The following NKAIN1 variants were observed in gnomAD, a reference collection of about 807,000 sequenced individuals.
The protein encoded by NKAIN1 is sodium/potassium-transporting ATPase subunit beta-1-interacting protein 1.
Under a neutral mutation model 31.6 loss-of-function variants are expected in NKAIN1, and 13 were observed. That is an observed-to-expected ratio of 0.41 (90% CI 0.27 to 0.65). The LOEUF (loss-of-function observed/expected upper bound fraction) is 0.65. NKAIN1 is among the 30% of genes least tolerant of loss of function. The pLI, the probability that NKAIN1 is intolerant of heterozygous loss-of-function variation, is 0.30. For missense variants in NKAIN1, 193 were observed against 262.2 expected (o/e 0.74, Z 1.82); for synonymous variants, 104 against 109.0 (o/e 0.95, Z 0.28).
chr1:31,220,003 A>ATTTTTTTT, intron 1 of NKAIN1, among the ~76,000 whole-genome samples: 1 of 127,784 alleles, frequency 7.8e-6, no homozygotes. Context: ...GAACACTCAG[A>ATTTTTTTT]TTTTTTTTTT....
At chr1:31,197,717 T>C (rs1466715604) in intron 1 of NKAIN1, among the ~76,000 whole-genome samples, 2 of 151,326 alleles carry the variant, frequency 1.3e-5, no homozygotes, top group Non-Finnish European at 2.9e-5. Flanking sequence ...CAGCTAATTT[T>C]TATATTTTTA....
At chr1:31,232,463 A>AGAGAGAGAGAGAGG (rs1645661432) in intron 1 of NKAIN1, among the ~76,000 whole-genome samples, 1 of 125,980 alleles carries the variant, frequency 7.9e-6, no homozygotes, top group Admixed American at 8.1e-5. Context: ...AGAGAGAGAG[A>AGAGAGAGAGAGAGG]GAGAGAGAGT....
intron 6 of NKAIN1, 59 bp downstream of exon 6, chr1:31,181,796 ATCCCC>A: frequency 6.4e-7 from 1 of 1,563,216 alleles, no homozygotes; most frequent in Admixed American, 1.9e-5. Context: ...CCACTCCTCC[ATCCCC>A]TCCTTTTCGC....
intron 1 of NKAIN1, among the ~76,000 whole-genome samples, chr1:31,188,905 C>G (rs745937310): frequency 1.3e-5 from 2 of 151,694 alleles, no homozygotes; most frequent in East Asian, 3.9e-4. Flanking sequence ...CCCAGCTATT[C>G]GGGAGGCTTA....
At position 31,214,023 on chromosome 1, in the gene NKAIN1, T is replaced by A. The variant is rs1471380746; in HGVS notation, c.54+25471A>T. Among the ~76,000 whole-genome samples, 4 of 143,018 alleles carry A rather than the reference T, an allele frequency of 2.8e-5. No homozygotes were observed. The South Asian group carries it at 6.7e-4, about 24-fold the overall frequency. The allele number at this position is 143,018 out of a possible 152,430, so 93.8% of individuals were successfully genotyped here. ...AAAGAATAAAATAAAAATTAATTAA[T>A]TAATTAATTAATTAATTAAACAAAA... is the stretch of plus-strand genomic sequence containing the variant. On this transcript the variant is annotated intron_variant, in intron 1 of 6. Transcript: ENST00000373736.
At chr1:31,200,938 A>T (rs1645375472) in intron 1 of NKAIN1, among the ~76,000 whole-genome samples, 1 of 151,230 alleles carries the variant, frequency 6.6e-6, no homozygotes, top group Non-Finnish European at 1.5e-5. Flanking sequence ...GGTTCAAGCA[A>T]TTCTCTGCCT....
intron 1 of NKAIN1, among the ~76,000 whole-genome samples, chr1:31,227,689 A>C (rs539816424): frequency 1.3e-5 from 2 of 152,342 alleles, no homozygotes; most frequent in Admixed American, 6.5e-5. Context: ...AGCCAGGCCT[A>C]TCTTTGAACC....
intron 1 of NKAIN1, among the ~76,000 whole-genome samples, chr1:31,204,235 C>T (rs1645406405): frequency 6.6e-6 from 1 of 152,060 alleles, no homozygotes; most frequent in Admixed American, 6.6e-5. Context: ...CCCTAGGAGG[C>T]AGGGAAGGTC....
intron 1 of NKAIN1, among the ~76,000 whole-genome samples, chr1:31,226,469 G>C (rs946790034): frequency 6.6e-6 from 1 of 152,094 alleles, no homozygotes; most frequent in Non-Finnish European, 1.5e-5. Flanking sequence ...GGTGGCTGGG[G>C]CCAGGCCAGA....
chr1:31,231,606 C>T (rs1187738096), intron 1 of NKAIN1, among the ~76,000 whole-genome samples: 1 of 152,230 alleles, frequency 6.6e-6, no homozygotes, highest in East Asian at 1.9e-4. Context: ...TCTCAGCTCA[C>T]TGCAAGCTCC....
chr1:31,208,407 C>T (rs576884096), intron 1 of NKAIN1, among the ~76,000 whole-genome samples: 3 of 152,278 alleles, frequency 2.0e-5, no homozygotes, highest in Admixed American at 6.5e-5. Context: ...TTCTCATTCC[C>T]GGCTTCCTTT....
At chr1:31,198,128 T>C (rs183420066) in intron 1 of NKAIN1, among the ~76,000 whole-genome samples, 73 of 152,296 alleles carry the variant, frequency 4.8e-4, no homozygotes, top group African/African-American at 1.7e-3. Flanking sequence ...TGTGGTTCAC[T>C]GCCGTATTTT....
chr1:31,230,152 C>G (rs1173400496), intron 1 of NKAIN1, among the ~76,000 whole-genome samples: 1 of 152,178 alleles, frequency 6.6e-6, no homozygotes, highest in African/African-American at 2.4e-5. Flanking sequence ...TCCTACCCCA[C>G]AGTACTCGGA....
chr1:31,232,503 G>A (rs934590016), intron 1 of NKAIN1, among the ~76,000 whole-genome samples: 39 of 138,656 alleles, frequency 2.8e-4, no homozygotes, highest in African/African-American at 1.0e-3. Flanking sequence ...TCCCCAGGCT[G>A]GTCTCAAACT....
intron 4 of NKAIN1, among the ~76,000 whole-genome samples, chr1:31,183,059 G>A (rs1645214920): frequency 6.6e-6 from 1 of 151,758 alleles, no homozygotes; most frequent in Non-Finnish European, 1.5e-5. Flanking sequence ...CTGCAATCAT[G>A]GCTCACTTCA....
chr1:31,182,089 A>G, intron 5 of NKAIN1, 148 bp from the exon 6 acceptor site: 3 of 790,068 alleles, frequency 3.8e-6, no homozygotes. Context: ...GGCGAGGGTC[A>G]GACCCCGTGC....
intron 2 of NKAIN1, 59 bp downstream of exon 2, chr1:31,187,991 G>T: frequency 6.6e-7 from 1 of 1,511,828 alleles, no homozygotes; most frequent in Non-Finnish European, 8.9e-7. Flanking sequence ...GCAGGGAGGG[G>T]TGGAGTGGGC....
chr1:31,181,986 G>A, intron 5 of NKAIN1, 45 bp from the exon 6 acceptor site: 1 of 1,548,202 alleles, frequency 6.5e-7, no homozygotes, highest in Non-Finnish European at 8.8e-7. Flanking sequence ...CGGCGGGGGC[G>A]AGGAGAGGGA....
chr1:31,221,467 T>A (rs6674677), intron 1 of NKAIN1, among the ~76,000 whole-genome samples: 1 of 151,930 alleles, frequency 6.6e-6, no homozygotes, highest in South Asian at 2.1e-4. Context: ...GACGGAGTCT[T>A]GCTCTGTCGC....
Sources: allele counts gnomAD v4.1 joint callset (sites outside exome capture counted in the v4.1 genomes callset), GRCh38; gene constraint gnomAD v4.1.1; transcripts MANE v1.5; gene names NCBI Gene and HGNC (gene_info 2026-07-23, HGNC 2026-07-21).